The following APMAP variants were observed in gnomAD, a reference collection of about 807,000 sequenced individuals.
APMAP encodes the protein adipocyte plasma membrane-associated protein.
APMAP carries 33 observed loss-of-function variants against 43.6 expected under a neutral mutation model. That is an observed-to-expected ratio of 0.76 (90% CI 0.57 to 1.01). APMAP has a LOEUF of 1.01. Among genes scored for constraint, APMAP ranks in the 50% least tolerant of loss-of-function variants. The pLI is 0.00. For missense variants in APMAP, 498 were observed against 540.7 expected, an observed-to-expected ratio of 0.92 and a Z score of 0.78; for synonymous variants, 224 against 216.7, an observed-to-expected ratio of 1.03 and a Z score of -0.30.
chr20:24,980,240 T>A (rs2088090450), intron 2 of APMAP, among the ~76,000 whole-genome samples: 1 of 152,218 alleles, frequency 6.6e-6, no homozygotes, highest in African/African-American at 2.4e-5. Context: ...GATTATCCCC[T>A]GTCCCCTGCC....
chr20:24,964,526 C>A (rs924536446), intron 8 of APMAP: 1 of 460,008 alleles, frequency 2.2e-6, no homozygotes, highest in African/African-American at 2.0e-5. Flanking sequence ...AACATGGCTT[C>A]CAAAACAAAA....
intron 4 of APMAP, among the ~76,000 whole-genome samples, chr20:24,972,278 T>C (rs1272164608): frequency 6.9e-6 from 1 of 145,336 alleles, no homozygotes; most frequent in East Asian, 2.1e-4. Context: ...CAGGGTGTTA[T>C]TGCAGGGTGT....
At chr20:24,967,405 C>T (rs1299109379) in intron 8 of APMAP, among the ~76,000 whole-genome samples, 1 of 152,220 alleles carries the variant, frequency 6.6e-6, no homozygotes, top group Non-Finnish European at 1.5e-5. Context: ...CCTCCTCACC[C>T]AGCTGCAGGA....
intron 3 of APMAP, among the ~76,000 whole-genome samples, chr20:24,974,934 A>T (rs1422529736): frequency 6.6e-6 from 1 of 152,232 alleles, no homozygotes; most frequent in African/African-American, 2.4e-5. Context: ...TCACATGATC[A>T]TATCAACAGA....
chr20:24,984,717 T>C (rs926928558), intron 1 of APMAP, among the ~76,000 whole-genome samples: 1 of 152,262 alleles, frequency 6.6e-6, no homozygotes, highest in Non-Finnish European at 1.5e-5. Flanking sequence ...CTGGGAATCC[T>C]GGGTGAAGTT....
At chr20:24,986,396 C>G (rs959335614) in intron 1 of APMAP, among the ~76,000 whole-genome samples, 6 of 152,242 alleles carry the variant, frequency 3.9e-5, no homozygotes, top group Admixed American at 2.6e-4. Flanking sequence ...CCAAGGGAGC[C>G]CAGCTCCTGG....
intron 1 of APMAP, among the ~76,000 whole-genome samples, chr20:24,984,786 T>C (rs2088133720): frequency 6.6e-6 from 1 of 152,220 alleles, no homozygotes; most frequent in South Asian, 2.1e-4. Flanking sequence ...ACATACAGTA[T>C]CTCTCATCTG....
intron 4 of APMAP, among the ~76,000 whole-genome samples, 161 bp downstream of exon 4, chr20:24,973,484 C>T (rs1014520752): frequency 4.6e-5 from 7 of 152,130 alleles, no homozygotes; most frequent in African/African-American, 7.2e-5. Flanking sequence ...AAGGACCACC[C>T]GGCAAATGAA....
intron 3 of APMAP, among the ~76,000 whole-genome samples, chr20:24,975,175 C>T (rs967080514): frequency 6.6e-6 from 1 of 152,114 alleles, no homozygotes; most frequent in Non-Finnish European, 1.5e-5. Flanking sequence ...GAAGACCTAG[C>T]TAATGCAGTA....
chr20:24,971,840 C>A (rs2088004243), intron 4 of APMAP, among the ~76,000 whole-genome samples: 1 of 149,286 alleles, frequency 6.7e-6, no homozygotes, highest in African/African-American at 2.5e-5. Flanking sequence ...ACTGCAGGTG[C>A]TTATTGCAGG....
At chr20:24,979,427 CA>C (rs1490004703) in intron 2 of APMAP, among the ~76,000 whole-genome samples, 2 of 152,344 alleles carry the variant, frequency 1.3e-5, no homozygotes, top group Non-Finnish European at 1.5e-5. Flanking sequence ...CTTCCTGAAG[CA>C]GGAGCCTGAG....
chr20:24,972,706 TTCACTATAGGTGC>T (rs1306414032), intron 4 of APMAP, among the ~76,000 whole-genome samples: 2 of 146,834 alleles, frequency 1.4e-5, no homozygotes, highest in Non-Finnish European at 3.0e-5. Flanking sequence ...ACTGCAGGTG[TTCACTATAGGTGC>T]TCACTGTAGG....
intron 2 of APMAP, among the ~76,000 whole-genome samples, chr20:24,982,141 C>CAA (rs1357939533): frequency 1.3e-5 from 2 of 151,822 alleles, no homozygotes; most frequent in Non-Finnish European, 2.9e-5. Context: ...GAGAGAGGTC[C>CAA]CTGTTGGCTG....
At chr20:24,990,982 A>G (rs2088187135) in intron 1 of APMAP, among the ~76,000 whole-genome samples, 1 of 152,252 alleles carries the variant, frequency 6.6e-6, no homozygotes, top group African/African-American at 2.4e-5. Flanking sequence ...ACTGGAAAAG[A>G]TCAGGCAGTA....
At position 24,978,837 on chromosome 20, in the gene APMAP, C is replaced by T. The variant is rs1205805660; in HGVS notation, c.258G>A (p.Thr86=). Residue 86 remains threonine (T), a synonymous_variant, in exon 3 of 9, where the codon ACG becomes ACA. Transcript: ENST00000217456. ...PLLLGVLHPN[T]KLRQAERLFE... ...ACAGCCTTTCTGCCTGTCGCAGCTTCGTATTTGGATGCAGAACACCAAGCA... is the reference window on the plus strand; with the variant it reads ...ACAGCCTTTCTGCCTGTCGCAGCTTTGTATTTGGATGCAGAACACCAAGCA... 8 of 1,611,914 alleles carry T rather than the reference C, an allele frequency of 5.0e-6. No individual in the cohort carries two copies. In the African/African-American group the frequency reaches 6.7e-5, roughly 13 times the overall value.
At chr20:24,969,910 C>T (rs1276703930) in intron 6 of APMAP, among the ~76,000 whole-genome samples, 2 of 152,254 alleles carry the variant, frequency 1.3e-5, no homozygotes, top group East Asian at 3.8e-4. Flanking sequence ...GAATACCCCT[C>T]AGAGAGGCAA....
In APMAP at chr20:24,971,594, TG is replaced by T; in HGVS notation, c.422-19del. On this transcript the variant is annotated intron_variant, in intron 4 of 8. Transcript: ENST00000217456. The stretch of plus-strand genomic sequence containing the variant: ...TCGGGTTTCTAGAAAAACAAACAGA[TG>T]GGGATTGGTAGCTGGTCCCGGATTC... 6.2e-7 allele frequency: 1 copy of T among 1,600,914 alleles called. No homozygotes were observed. The highest frequency in any genetic ancestry group is 8.6e-7 in the Non-Finnish European group (1 of 1,168,034).
rs910099410 is a variant in APMAP, at chr20:24,970,252, T to G, written c.658A>C (p.Lys220Gln). The G allele has an allele frequency of 1.2e-6, 2 of 1,614,088 alleles. No homozygotes were observed. The highest frequency in any genetic ancestry group is 3.3e-5 in the Admixed American group (2 of 60,004). Reference protein sequence around the residue: ...RKIYFTDSSSKWQRRDYLLLV... With the variant: ...RKIYFTDSSSQWQRRDYLLLV... ...AGCAGGTAGTCTCGTCTTTGCCATTTGCTGCTAGAATCGGTGAAATAAATC... is the reference window on the plus strand; with the variant it reads ...AGCAGGTAGTCTCGTCTTTGCCATTGGCTGCTAGAATCGGTGAAATAAATC... Residue 220 changes from lysine (K) to glutamine (Q), a missense_variant, in exon 6 of 9, where the codon AAA (lysine) becomes CAA (glutamine). Lys to Gln is a moderately conservative substitution (Grantham distance 53, BLOSUM62 1). Transcript: ENST00000217456.
rs758417972 is a variant in APMAP, at chr20:24,969,615, C to A, written c.759G>T (p.Leu253Phe). 1.2e-6 allele frequency: 2 copies of A among 1,614,082 alleles called. No individual in the cohort carries two copies. Among genetic ancestry groups the A allele is most frequent in the East Asian group, 4.5e-5 (2 of 44,878 alleles). Residue 253 changes from leucine (L) to phenylalanine (F), a missense_variant, in exon 7 of 9, where the codon TTG becomes TTT. By Grantham distance (22) the Leu-to-Phe change is conservative (BLOSUM62 0). Transcript: ENST00000217456. ...CTCCATTCGGGAACCGCAGCTGGTC[C>A]AATAAAACTTTTACTTCCCTGGTCA... ...DTVTREVKVLLDQLRFPNGVQ... is the reference protein window; with the variant it reads ...DTVTREVKVLFDQLRFPNGVQ...
Sources: gnomAD v4.1 joint callset for allele counts (sites outside exome capture counted in the v4.1 genomes callset) on GRCh38, gnomAD v4.1.1 for gene constraint, MANE v1.5 for transcripts, NCBI Gene and HGNC (gene_info 2026-07-23, HGNC 2026-07-21) for gene names.